Variants in SMG9 observed in about 807,000 individuals in gnomAD.
The protein encoded by SMG9 is nonsense-mediated mRNA decay factor SMG9.
In SMG9, 55 loss-of-function variants were observed where a neutral mutation model predicts 64.0. The ratio of observed to expected loss-of-function variants is 0.86; its 90% CI spans 0.69 to 1.08. The LOEUF (loss-of-function observed/expected upper bound fraction) is 1.08. Among genes scored for constraint, SMG9 ranks in the 50% least tolerant of loss-of-function variants. SMG9 has a pLI of 0.00. For synonymous variants in SMG9, 244 were observed against 254.8 expected, an observed-to-expected ratio of 0.96 and a Z score of 0.41; for missense variants, 554 against 681.3, an observed-to-expected ratio of 0.81 and a Z score of 2.08.
chr19:43,734,511 G>A lies in SMG9; in HGVS notation c.996-16C>T. On this transcript the variant is annotated splice_polypyrimidine_tract_variant and intron_variant, in intron 9 of 13. Transcript: ENST00000270066. The stretch of plus-strand genomic sequence containing the variant: ...CTGCAGGAACCTTGGGGTTTGGGGT[G>A]AGTGGCTGTTGCTCTTGCACTTGCA... The A allele has an allele frequency of 6.5e-7, 1 of 1,538,848 alleles. No homozygotes were observed. The highest frequency in any genetic ancestry group is 8.8e-7 in the Non-Finnish European group (1 of 1,135,790).
In SMG9 at chr19:43,729,068, G is replaced by A; in HGVS notation, c.*2528C>T. On this transcript the variant is annotated 3_prime_UTR_variant, in exon 14 of 14. Transcript: ENST00000270066. ...TCCTCTGCTGGATGTAAAGGGGGTGGCGGGTGACCGGTACATACTTACCCA... is the reference window on the plus strand; with the variant it reads ...TCCTCTGCTGGATGTAAAGGGGGTGACGGGTGACCGGTACATACTTACCCA... 3.0e-6 allele frequency: 3 copies of A among 983,980 alleles called. No homozygotes were observed. The highest frequency in any genetic ancestry group is 3.6e-6 in the Non-Finnish European group (3 of 828,618). The allele number at this position is 983,980 out of a possible 1,614,324, so 61.0% of individuals were successfully genotyped here.
intron 2 of SMG9, among the ~76,000 whole-genome samples, chr19:43,748,364 G>A (rs144890782): frequency 1.3e-5 from 2 of 152,342 alleles, no homozygotes; most frequent in East Asian, 1.9e-4. Context: ...GACAGGTCTG[G>A]GTGCAAACCT....
chr19:43,732,472 C>T (rs191649732), intron 13 of SMG9: 86 of 191,070 alleles, frequency 4.5e-4, no homozygotes, highest in African/African-American at 2.0e-3. Flanking sequence ...GCCCTGCTTT[C>T]TGTGATCAGG....
chr19:43,737,183 G>GA (rs1329232466), intron 9 of SMG9, among the ~76,000 whole-genome samples: 1 of 152,300 alleles, frequency 6.6e-6, no homozygotes, highest in East Asian at 1.9e-4. Context: ...TGAGGCAGGA[G>GA]AATCACTTGA....
chr19:43,752,078 A>C (rs1342900342), intron 1 of SMG9, among the ~76,000 whole-genome samples: 1 of 152,178 alleles, frequency 6.6e-6, no homozygotes, highest in Non-Finnish European at 1.5e-5. Flanking sequence ...GGCTCCAGCC[A>C]CTTACTAGTG....
rs770700276 is a variant in SMG9, at chr19:43,733,607, G to A, written c.1210+19C>T. On this transcript the variant is annotated intron_variant, in intron 11 of 13. Transcript: ENST00000270066. ...ATTAGGAGGCTGACTAGCTTGGGGG[G>A]TGATGTGGGAACCCTTACCCTTGTA... is the stretch of plus-strand genomic sequence containing the variant. 4.3e-6 allele frequency: 7 copies of A among 1,612,442 alleles called. No individual in the cohort carries two copies. Among genetic ancestry groups the A allele is most frequent in the South Asian group, 1.1e-5 (1 of 91,068 alleles).
chr19:43,738,694 C>T (rs893919998), intron 7 of SMG9, among the ~76,000 whole-genome samples: 2 of 152,156 alleles, frequency 1.3e-5, no homozygotes, highest in African/African-American at 4.8e-5. Flanking sequence ...ACTTTAAGAG[C>T]TAAATTAAAT....
At position 43,730,279 on chromosome 19, in the gene SMG9, C is replaced by T. The variant is rs1968439464; in HGVS notation, c.*1317G>A. ...GTGGCGAGACCAATTTGGAGACATA[C>T]TTTGGGAAACCTCAAACTAAGATCA... On this transcript the variant is annotated 3_prime_UTR_variant, in exon 14 of 14. Transcript: ENST00000270066. 1 of 152,304 alleles carries T rather than the reference C, an allele frequency of 6.6e-6. No homozygotes were observed. Among genetic ancestry groups the T allele is most frequent in the East Asian group, 1.9e-4 (1 of 5,184 alleles). 9.4% of individuals were successfully genotyped at this position (152,304 alleles called of 1,614,324 possible). A position where few individuals can be genotyped will look rare whatever the true frequency, so the allele number is the denominator to read the frequency against.
chr19:43,732,426 G>A (rs1008544303), intron 13 of SMG9: 1 of 179,668 alleles, frequency 5.6e-6, no homozygotes, highest in African/African-American at 2.4e-5. Context: ...TGAAGAATGA[G>A]ACCCTGATGG....
At chr19:43,748,186 T>C in intron 2 of SMG9, 134 bp from the exon 3 acceptor site, 1 of 1,059,580 alleles carries the variant, frequency 9.4e-7, no homozygotes, top group South Asian at 1.8e-5. Flanking sequence ...AGATAGATAC[T>C]ATTATTACCC....
rs373179633 is a variant in SMG9 at position 43,748,195 on chromosome 19, C to A, written c.151-143G>T. ...CCTGTGAGATAGATACTATTATTAC[C>A]CCCACTTTACAGATGAAGAAAATGA... On this transcript the variant is annotated intron_variant, in intron 2 of 13. Coordinates refer to ENST00000270066, the MANE Select transcript of SMG9 (RefSeq NM_019108.4). 3 of 1,017,302 alleles carry A rather than the reference C, an allele frequency of 2.9e-6. No homozygotes were observed. In the African/African-American group the frequency reaches 5.0e-5, roughly 17 times the overall value. 63.0% of individuals were successfully genotyped at this position (1,017,302 alleles called of 1,614,324 possible).
intron 1 of SMG9, among the ~76,000 whole-genome samples, chr19:43,753,458 C>CTTTT (rs745479932): frequency 1.9e-4 from 23 of 118,594 alleles, no homozygotes; most frequent in African/African-American, 2.5e-4. Flanking sequence ...GAATGCTTTT[C>CTTTT]TTTTTTTTTT....
intron 1 of SMG9, chr19:43,754,286 T>C (rs544753934): frequency 6.6e-6 from 1 of 152,268 alleles, no homozygotes; most frequent in South Asian, 2.1e-4. Flanking sequence ...TAAACTTCTC[T>C]CTACGGGGTT....
chr19:43,736,841 G>A (rs1968684730), intron 9 of SMG9, among the ~76,000 whole-genome samples: 1 of 152,196 alleles, frequency 6.6e-6, no homozygotes, highest in African/African-American at 2.4e-5. Flanking sequence ...AGATGGTCAG[G>A]GAAGGCCTGA....
chr19:43,753,743 A>G (rs535650660), intron 1 of SMG9, among the ~76,000 whole-genome samples: 39 of 151,928 alleles, frequency 2.6e-4, no homozygotes, highest in Non-Finnish European at 5.6e-4. Context: ...TTCCCCGGGT[A>G]AGCCACCGCA....
At position 43,730,215 on chromosome 19, in the gene SMG9, T is replaced by A. The variant is rs889509680; in HGVS notation, c.*1381A>T. Reference sequence around the variant, plus strand: ...GATGAACAGACTCAGCCAGCTGGACTGGAGCTGACTGCTTTACTGAACGAT... The same window carrying A: ...GATGAACAGACTCAGCCAGCTGGACAGGAGCTGACTGCTTTACTGAACGAT... On this transcript the variant is annotated 3_prime_UTR_variant, in exon 14 of 14. Coordinates refer to ENST00000270066, the MANE Select transcript of SMG9 (RefSeq NM_019108.4). The A allele has an allele frequency of 2.0e-5, 3 of 152,216 alleles. No individual in the cohort carries two copies. The highest frequency in any genetic ancestry group is 7.2e-5 in the African/African-American group (3 of 41,446). 9.4% of individuals were successfully genotyped at this position (152,216 alleles called of 1,614,324 possible). A position where few individuals can be genotyped will look rare whatever the true frequency, so the allele number is the denominator to read the frequency against.
In SMG9 at chr19:43,733,376, G is replaced by A. The variant is rs751992013; in HGVS notation, c.1287C>T (p.Phe429=). ...CTTCACTGTCCATGAAGGGTACCAG[G>A]AATAAGTTGACCTCAGAGTCCAGGA... ...PDFLDSEVNL[F]LVPFMDSEAE... Residue 429 remains phenylalanine, a synonymous_variant, in exon 12 of 14, where the codon TTC becomes TTT. Transcript: ENST00000270066. The A allele has an allele frequency of 1.5e-5, 25 of 1,614,040 alleles. No homozygotes were observed. Among genetic ancestry groups the A allele is most frequent in the Non-Finnish European group, 3.4e-6 (4 of 1,180,040 alleles).
intron 1 of SMG9, among the ~76,000 whole-genome samples, chr19:43,752,902 T>TTA (rs1969231724): frequency 1.0e-5 from 1 of 96,298 alleles, no homozygotes; most frequent in Non-Finnish European, 2.1e-5. Flanking sequence ...AGACCCTGTC[T>TTA]AAAAAAAAAA....
At chr19:43,752,901 C>T (rs1352995044) in intron 1 of SMG9, among the ~76,000 whole-genome samples, 3 of 77,808 alleles carry the variant, frequency 3.9e-5, no homozygotes, top group Admixed American at 2.1e-4. Context: ...AAGACCCTGT[C>T]TAAAAAAAAA....
Sources: gnomAD v4.1 joint callset for allele counts (sites outside exome capture counted in the v4.1 genomes callset) on GRCh38, gnomAD v4.1.1 for gene constraint, MANE v1.5 for transcripts, NCBI Gene and HGNC (gene_info 2026-07-23, HGNC 2026-07-21) for gene names.